The following PCGF5 variants were observed in gnomAD, a reference collection of about 807,000 sequenced individuals.
The protein encoded by PCGF5 is polycomb group ring finger 5.
Under a neutral mutation model 44.3 loss-of-function variants are expected in PCGF5, and 9 were observed. The observed-to-expected ratio is 0.20, with a 90% CI of 0.12 to 0.35. PCGF5 has a LOEUF of 0.35. Ranked by LOEUF, PCGF5 falls within the 10% of genes least tolerant of loss-of-function variation. The probability of loss-of-function intolerance (pLI) is 1.00; values close to 1 mark genes in which losing one functional copy is unlikely to be tolerated. For missense variants in PCGF5, 146 were observed against 305.3 expected (o/e 0.48, Z 3.89); for synonymous variants, 95 against 102.5 (o/e 0.93, Z 0.44).
chr10:91,181,408 C>T (rs771395699), intron 1 of PCGF5, among the ~76,000 whole-genome samples: 1 of 151,754 alleles, frequency 6.6e-6, no homozygotes, highest in Non-Finnish European at 1.5e-5. Context: ...TAGGAGTAGC[C>T]AGACAGGGCA....
chr10:91,217,250 G>A (rs189786628), upstream of PCGF5, among the ~76,000 whole-genome samples: 2 of 152,320 alleles, frequency 1.3e-5, no homozygotes, highest in Non-Finnish European at 2.9e-5. Context: ...AGCCAGGATG[G>A]TCTCGATCTC....
At chr10:91,186,530 A>ATGTG (rs35472532) in intron 1 of PCGF5, among the ~76,000 whole-genome samples, 83 of 140,726 alleles carry the variant, frequency 5.9e-4, no homozygotes, top group African/African-American at 2.1e-3. Flanking sequence ...TCATATATAT[A>ATGTG]TGTGTGTGTG....
chr10:91,209,081 A>G (rs910500846), intron 1 of PCGF5, among the ~76,000 whole-genome samples: 3 of 152,202 alleles, frequency 2.0e-5, no homozygotes, highest in African/African-American at 4.8e-5. Context: ...GTTACATTCA[A>G]TTCATTTATT....
At chr10:91,164,695 T>C (rs113478962) in intron 1 of PCGF5, among the ~76,000 whole-genome samples, 45 of 152,302 alleles carry the variant, frequency 3.0e-4, no homozygotes, top group African/African-American at 1.1e-3. Flanking sequence ...ACTTGACTCA[T>C]TCCCACCTCA....
At chr10:91,263,649 AGTGAATT>A (rs1845977198) in intron 7 of PCGF5, among the ~76,000 whole-genome samples, 1 of 152,210 alleles carries the variant, frequency 6.6e-6, no homozygotes, top group African/African-American at 2.4e-5. Context: ...TTCTTGAATT[AGTGAATT>A]ATAGCCACAG....
At chr10:91,243,758 A>G (rs895494196) in intron 3 of PCGF5, among the ~76,000 whole-genome samples, 6 of 152,238 alleles carry the variant, frequency 3.9e-5, no homozygotes, top group African/African-American at 1.4e-4. Context: ...ATAAATAAAA[A>G]TTACTAAATG....
chr10:91,276,091 A>G (rs1175414807), intron 9 of PCGF5, among the ~76,000 whole-genome samples: 5 of 149,658 alleles, frequency 3.3e-5, no homozygotes, highest in Non-Finnish European at 7.4e-5. Context: ...TATGTTTAGC[A>G]TGATTCCAGT....
intron 1 of PCGF5, among the ~76,000 whole-genome samples, chr10:91,190,861 T>C (rs1844019896): frequency 6.6e-6 from 1 of 152,226 alleles, no homozygotes; most frequent in African/African-American, 2.4e-5. Context: ...TCACATCAGT[T>C]CCTGCTGTCT....
intron 3 of PCGF5, among the ~76,000 whole-genome samples, chr10:91,242,122 T>C (rs1845342905): frequency 6.6e-6 from 1 of 150,996 alleles, no homozygotes; most frequent in Admixed American, 6.6e-5. Context: ...CCGGGATACA[T>C]TTAGCAATAT....
At chr10:91,276,566 C>A (rs1846318317) in intron 9 of PCGF5, among the ~76,000 whole-genome samples, 1 of 152,120 alleles carries the variant, frequency 6.6e-6, no homozygotes, top group African/African-American at 2.4e-5. Context: ...AATTATTAAA[C>A]TTCATATGTT....
intron 2 of PCGF5, among the ~76,000 whole-genome samples, chr10:91,226,864 C>G (rs7080584): frequency 0.12 from 18,670 of 152,114 alleles, 2,080 homozygotes; most frequent in African/African-American, 0.29. Flanking sequence ...TTAGACTCTT[C>G]TTACCTACTA....
chr10:91,163,934 A>G (rs992387952), intron 1 of PCGF5, among the ~76,000 whole-genome samples: 1 of 152,062 alleles, frequency 6.6e-6, no homozygotes, highest in African/African-American at 2.4e-5. Context: ...TTTCGCTGCC[A>G]CCTCTCCTGG....
chr10:91,218,000 T>C (rs1334055058), upstream of PCGF5, among the ~76,000 whole-genome samples: 1 of 152,198 alleles, frequency 6.6e-6, no homozygotes, highest in Non-Finnish European at 1.5e-5. Context: ...TTGGCCAGGC[T>C]GGTCTTGAAC....
At chr10:91,274,075 C>T (rs915366799) in intron 9 of PCGF5, among the ~76,000 whole-genome samples, 2 of 151,866 alleles carry the variant, frequency 1.3e-5, no homozygotes, top group African/African-American at 4.8e-5. Flanking sequence ...TCCTCTTCCC[C>T]TCTCTTTCTC....
At chr10:91,252,534 G>T (rs1313047258) in intron 6 of PCGF5, among the ~76,000 whole-genome samples, 1 of 152,004 alleles carries the variant, frequency 6.6e-6, no homozygotes, top group Non-Finnish European at 1.5e-5. Flanking sequence ...CATACAAATA[G>T]TTAAGGTAAT....
chr10:91,197,638 G>A (rs1233165708), intron 1 of PCGF5, among the ~76,000 whole-genome samples: 1 of 152,172 alleles, frequency 6.6e-6, no homozygotes, highest in Non-Finnish European at 1.5e-5. Flanking sequence ...TGGTGGTAGA[G>A]AGTGCGTGGG....
intron 5 of PCGF5, among the ~76,000 whole-genome samples, chr10:91,250,492 T>G (rs1340200690): frequency 7.6e-6 from 1 of 131,198 alleles, no homozygotes; most frequent in Non-Finnish European, 1.6e-5. Context: ...TTTGTCTGGT[T>G]TTTTCTTTTT....
chr10:91,175,755 T>C (rs1032698528), intron 1 of PCGF5, among the ~76,000 whole-genome samples: 63 of 152,298 alleles, frequency 4.1e-4, no homozygotes, highest in African/African-American at 1.5e-3. Flanking sequence ...TTGTTTTCCA[T>C]TTGCTTGGTA....
intron 1 of PCGF5, among the ~76,000 whole-genome samples, chr10:91,170,305 G>A (rs1304331910): frequency 6.6e-6 from 1 of 152,198 alleles, no homozygotes; most frequent in East Asian, 1.9e-4. Flanking sequence ...CTGCTCTGCA[G>A]AAGACATTGT....
Sources: gnomAD v4.1 joint callset for allele counts (sites outside exome capture counted in the v4.1 genomes callset) on GRCh38, gnomAD v4.1.1 for gene constraint, MANE v1.5 for transcripts, NCBI Gene and HGNC (gene_info 2026-07-23, HGNC 2026-07-21) for gene names.